The following SUSD2 variants were observed in gnomAD, a reference collection of about 807,000 sequenced individuals.
SUSD2 encodes sushi domain-containing protein 2.
In SUSD2, 86 loss-of-function variants were observed where a neutral mutation model predicts 93.8. That is an observed-to-expected ratio of 0.92 (90% confidence interval 0.77 to 1.10). The LOEUF is 1.10. Among genes scored for constraint, SUSD2 ranks in the 50% least tolerant of loss-of-function variants. The pLI is 0.00. For synonymous variants in SUSD2, 483 were observed against 485.0 expected (o/e 1.00, Z 0.05); for missense variants, 1,060 against 1,137.0 (o/e 0.93, Z 0.97).
Position 24,184,291 on chromosome 22 carries a change from T to C in SUSD2, c.595T>C (p.Tyr199His). The C allele has an allele frequency of 1.9e-6, 3 of 1,613,236 alleles. No homozygotes were observed. The highest frequency in any genetic ancestry group is 2.5e-6 in the Non-Finnish European group (3 of 1,179,936). ...TQTITIELWGYEETGMPYSQE... is the reference protein window; with the variant it reads ...TQTITIELWGHEETGMPYSQE... ...GACCATCACCATCGAACTGTGGGGC[T>C]ACGAGGAGACAGGTGAGGCCAGCTG... The change falls in exon 4 of 15, where the codon TAC becomes CAC. Residue 199 changes from tyrosine to histidine, a missense_variant. Around this residue, in one of 2 missense-constraint regions of SUSD2, gnomAD observed 973 missense variants for 1,005.3 expected, o/e 0.97. Transcript: ENST00000358321.
chr22:24,181,667 C>A, intron 1 of SUSD2, 72 bp downstream of exon 1: 2 of 1,219,678 alleles, frequency 1.6e-6, no homozygotes. Flanking sequence ...GGCTGACATC[C>A]CTCTGGGCTC....
intron 10 of SUSD2, chr22:24,186,975 G>A (rs368120336): frequency 2.2e-5 from 13 of 601,156 alleles, no homozygotes; most frequent in East Asian, 1.4e-4. Flanking sequence ...TCAACATGGG[G>A]GATTCACTGC....
At chr22:24,182,171 C>A (rs1232582568) in intron 1 of SUSD2, among the ~76,000 whole-genome samples, 1 of 152,236 alleles carries the variant, frequency 6.6e-6, no homozygotes, top group Non-Finnish European at 1.5e-5. Flanking sequence ...AGGCCCAGGC[C>A]TGGCCCTCGA....
rs539497730 is a variant in SUSD2, at chr22:24,185,450, G to A, written c.985-36G>A. ...CCTCAGGGAGGGGATGACAGAACCC[G>A]AGGCCACTGGGTGACAGCCACCTGC... is the stretch of plus-strand genomic sequence containing the variant. On this transcript the variant is annotated intron_variant, in intron 6 of 14. Transcript: ENST00000358321. The A allele has an allele frequency of 6.5e-6, 10 of 1,550,034 alleles. No individual in the cohort carries two copies. The Admixed American group carries it at 9.8e-5, about 15-fold the overall frequency.
chr22:24,185,931 T>C lies in SUSD2; in HGVS notation c.1339+2T>C, dbSNP rs1363463035. Reference sequence around the variant, plus strand: ...GCAACTACCGGCCCCCAAGACTGGGTGGGTGCCATCCCGTGCCCCAGACCC... The same window carrying C: ...GCAACTACCGGCCCCCAAGACTGGGCGGGTGCCATCCCGTGCCCCAGACCC... On this transcript the variant is annotated splice_donor_variant, in intron 8 of 14. Coordinates refer to ENST00000358321, the MANE Select transcript of SUSD2 (RefSeq NM_019601.4). LOFTEE classifies it high-confidence loss of function. The C allele has an allele frequency of 6.4e-7, 1 of 1,568,686 alleles. No individual in the cohort carries two copies. Among genetic ancestry groups the C allele is most frequent in the Non-Finnish European group, 8.7e-7 (1 of 1,153,270 alleles).
chr22:24,185,372 A>G (rs2047354974), intron 6 of SUSD2, 77 bp downstream of exon 6: 1 of 1,550,944 alleles, frequency 6.4e-7, no homozygotes, highest in African/African-American at 1.4e-5. Flanking sequence ...GGGGAGGCAG[A>G]CAGAGGTGTC....
chr22:24,187,323 C>T lies in SUSD2; in HGVS notation c.1764C>T (p.Phe588=). 1 of 1,614,140 alleles carries T rather than the reference C, an allele frequency of 6.2e-7. No individual in the cohort carries two copies. Among genetic ancestry groups the T allele is most frequent in the Non-Finnish European group, 8.5e-7 (1 of 1,180,020 alleles). The change falls in exon 11 of 15, where the codon TTC becomes TTT. Residue 588 remains phenylalanine (F), a synonymous_variant. Coordinates refer to ENST00000358321, the MANE Select transcript of SUSD2 (RefSeq NM_019601.4). ...TGTCCGTCCTGCTGCCTGAGAAGTT[C>T]CTCACCCACACCCACGGCCTCCTCG... ...LSVSVLLPEK[F]LTHTHGLLGT... is the part of the protein sequence containing the mutation.
Position 24,187,999 on chromosome 22 carries a change from A to G in SUSD2, c.2205A>G (p.Gln735=). ...GGCTGGCCCCACCTCCCAACGGACA[A>G]AAGGAGGGCAACAGGTACCTGGCGG... The part of the protein sequence containing the change: ...CGWLAPPPNG[Q]KEGNRYLAGS... Residue 735 remains glutamine (Q), a synonymous_variant, in exon 13 of 15, where the codon CAA becomes CAG. Transcript: ENST00000358321. 1 of 1,612,952 alleles carries G rather than the reference A, an allele frequency of 6.2e-7. No individual in the cohort carries two copies. Among genetic ancestry groups the G allele is most frequent in the Non-Finnish European group, 8.5e-7 (1 of 1,179,986 alleles).
Position 24,184,959 on chromosome 22 carries a change from G to T in SUSD2, c.782+19G>T. On this transcript the variant is annotated intron_variant, in intron 5 of 14. Coordinates refer to ENST00000358321, the MANE Select transcript of SUSD2 (RefSeq NM_019601.4). ...GGCAGAAGTAAGAAGGCATGGATGT[G>T]CAGGTGATGGCTGGAGGGCCTCGCC... The T allele has an allele frequency of 6.2e-7, 1 of 1,612,540 alleles. No individual in the cohort carries two copies. Among genetic ancestry groups the T allele is most frequent in the Non-Finnish European group, 8.5e-7 (1 of 1,179,254 alleles).
chr22:24,184,233 C>T lies in SUSD2; in HGVS notation c.537C>T (p.Ser179=). 1 of 1,613,792 alleles carries T rather than the reference C, an allele frequency of 6.2e-7. No individual in the cohort carries two copies. Among genetic ancestry groups the T allele is most frequent in the Non-Finnish European group, 8.5e-7 (1 of 1,180,020 alleles). ...CCGCCAACACCTCAGGCAACCTCAG[C>T]CTGACCTGGCATGTCAAGTCGCTGC... is the stretch of plus-strand genomic sequence containing the variant. ...YGTANTSGNL[S]LTWHVKSLPT... is the part of the protein sequence containing the mutation. The change falls in exon 4 of 15, where the codon AGC becomes AGT. Residue 179 remains serine, a synonymous_variant. Coordinates refer to ENST00000358321, the MANE Select transcript of SUSD2 (RefSeq NM_019601.4).
chr22:24,186,857 T>C, intron 10 of SUSD2: 4 of 434,452 alleles, frequency 9.2e-6, no homozygotes, highest in Non-Finnish European at 1.7e-5. Flanking sequence ...TTGGGATGGG[T>C]GAGGACCTGG....
chr22:24,184,791 T>C lies in SUSD2; in HGVS notation c.633T>C (p.Thr211=). 1 of 1,607,826 alleles carries C rather than the reference T, an allele frequency of 6.2e-7. No individual in the cohort carries two copies. The highest frequency in any genetic ancestry group is 8.5e-7 in the Non-Finnish European group (1 of 1,177,026). Residue 211 remains threonine, a synonymous_variant, in exon 5 of 15, where the codon ACT becomes ACC. Transcript: ENST00000358321. ...ETGMPYSQEW[T]AKWSYLYPLA... ...GAATGCCCTACTCACAGGAGTGGAC[T>C]GCAAAGTGGTCGTACCTGTACCCCC...
At chr22:24,183,929 G>A (rs1222989457) in intron 3 of SUSD2, 13 of 657,102 alleles carry the variant, frequency 2.0e-5, no homozygotes, top group Non-Finnish European at 3.1e-5. Flanking sequence ...AAGCCAGGTC[G>A]AGGCTAGAGG....
At position 24,187,591 on chromosome 22, in the gene SUSD2, T is replaced by C; in HGVS notation, c.1912T>C (p.Ser638Pro). The C allele has an allele frequency of 6.2e-7, 1 of 1,613,216 alleles. No homozygotes were observed. The highest frequency in any genetic ancestry group is 8.5e-7 in the Non-Finnish European group (1 of 1,179,406). Residue 638 changes from serine to proline, a missense_variant, in exon 12 of 15, where the codon TCC becomes CCC. Ser to Pro is a moderately conservative substitution (Grantham distance 74). This residue lies in a region of SUSD2 where 973 missense variants were observed against 1,005.3 expected (regional missense o/e 0.97). Transcript: ENST00000358321. ...TCCAGGGACCGTGCACAATGCGTCC[T>C]CCCTGCTCACCTACGATTCCTGGTT... is the stretch of plus-strand genomic sequence containing the variant. Reference protein sequence around the residue: ...GANWTVHNASSLLTYDSWFLV... With the variant: ...GANWTVHNASPLLTYDSWFLV...
At position 24,186,424 on chromosome 22, in the gene SUSD2, T is replaced by A. The variant is rs758319619; in HGVS notation, c.1642+9T>A. On this transcript the variant is annotated intron_variant, in intron 10 of 14. Transcript: ENST00000358321. ...CTGGATGGACCTGAAAGGTGAGCAG[T>A]CCAGCCACGCGAGGCTGCGGGCTGC... is the stretch of plus-strand genomic sequence containing the variant. The A allele has an allele frequency of 2.5e-6, 4 of 1,612,384 alleles. No individual in the cohort carries two copies. In the East Asian group the frequency reaches 8.9e-5, roughly 36 times the overall value.
chr22:24,183,483 CCA>C lies in SUSD2; in HGVS notation c.288-10_288-9del. The C allele has an allele frequency of 6.2e-7, 1 of 1,606,390 alleles. No homozygotes were observed. The highest frequency in any genetic ancestry group is 8.5e-7 in the Non-Finnish European group (1 of 1,176,554). ...AATGACCCAGCCCCTCCCACCACCA[CCA>C]CGCCCACAGGTTTAAGGACAGCATC... On this transcript the variant is annotated splice_polypyrimidine_tract_variant and intron_variant, in intron 2 of 14. Transcript: ENST00000358321.
intron 8 of SUSD2, 30 bp downstream of exon 8, chr22:24,185,959 G>A (rs753461319): frequency 1.3e-6 from 2 of 1,573,246 alleles, no homozygotes; most frequent in Non-Finnish European, 1.7e-6. Flanking sequence ...CCAGACCCTG[G>A]GAAAGATCGG....
chr22:24,188,299 GTGC>G lies in SUSD2; in HGVS notation c.2423_2425del (p.Leu808del). The G allele has an allele frequency of 6.2e-7, 1 of 1,606,422 alleles. No homozygotes were observed. The highest frequency in any genetic ancestry group is 8.5e-7 in the Non-Finnish European group (1 of 1,177,004). On this transcript the variant is annotated inframe_deletion, in exon 14 of 15. Transcript: ENST00000358321. The surrounding 1 kb of genome is among the most constrained non-coding windows in gnomAD (Gnocchi z 4.7). The stretch of plus-strand genomic sequence containing the variant: ...GGTGGCGGCGGTTGCGCTCGTCTAT[GTGC>G]TGCTGCGCCGCAGGAAGGGCAACAC...
At position 24,187,728 on chromosome 22, in the gene SUSD2, T is replaced by G; in HGVS notation, c.2049T>G (p.Cys683Trp). Residue 683 changes from cysteine (C) to tryptophan (W), a missense_variant, in exon 12 of 15, where the codon TGT (cysteine) becomes TGG (tryptophan). By Grantham distance (215) the Cys-to-Trp change is radical (BLOSUM62 -2). Around this residue, in one of 2 missense-constraint regions of SUSD2, gnomAD observed 973 missense variants for 1,005.3 expected, o/e 0.97. Transcript: ENST00000358321. ...TGGCACAAGAGGCAGCCAAACTATG[T>G]GGGGACGATCATTTCTGCAACTTTG... ...PSLAQEAAKL[C>W]GDDHFCNFDV... 2 of 1,613,924 alleles carry G rather than the reference T, an allele frequency of 1.2e-6. No homozygotes were observed. The highest frequency in any genetic ancestry group is 1.1e-5 in the South Asian group (1 of 91,074).
Sources: gnomAD v4.1 joint callset for allele counts (sites outside exome capture counted in the v4.1 genomes callset) on GRCh38, gnomAD v4.1.1 for gene constraint, gnomAD v4.1.1 regional missense constraint, Gnocchi (gnomAD v3.1) non-coding constraint, MANE v1.5 for transcripts, NCBI Gene and HGNC (gene_info 2026-07-23, HGNC 2026-07-21) for gene names.